The following ANAPC10 variants were observed in gnomAD, a reference collection of about 807,000 sequenced individuals.
ANAPC10 encodes the protein anaphase-promoting complex subunit 10.
In ANAPC10, 12 loss-of-function variants were observed where a neutral mutation model predicts 22.0. The ratio of observed to expected loss-of-function variants is 0.55; its 90% CI spans 0.35 to 0.88. The LOEUF (loss-of-function observed/expected upper bound fraction) is 0.88. ANAPC10 is among the 40% of genes least tolerant of loss of function. The pLI is 0.01. For synonymous variants in ANAPC10, 65 were observed against 69.5 expected, an observed-to-expected ratio of 0.94 and a Z score of 0.32; for missense variants, 188 against 220.9, an observed-to-expected ratio of 0.85 and a Z score of 0.94.
intron 3 of ANAPC10, among the ~76,000 whole-genome samples, chr4:145,078,431 T>TAA (rs199509337): frequency 6.6e-6 from 1 of 151,042 alleles, no homozygotes; most frequent in South Asian, 2.1e-4. Context: ...CAATATTGTT[T>TAA]AAAAAAAAAT....
intron 4 of ANAPC10, among the ~76,000 whole-genome samples, chr4:145,042,583 T>C (rs1045561669): frequency 2.0e-5 from 3 of 152,200 alleles, no homozygotes; most frequent in African/African-American, 4.8e-5. Flanking sequence ...CTCTACTTTT[T>C]TGATGTGCCA....
At chr4:145,080,232 C>T (rs1349322520) in intron 3 of ANAPC10, among the ~76,000 whole-genome samples, 1 of 149,976 alleles carries the variant, frequency 6.7e-6, no homozygotes, top group Non-Finnish European at 1.5e-5. Context: ...GACCCAAAAA[C>T]TACCTATTAG....
intron 3 of ANAPC10, among the ~76,000 whole-genome samples, chr4:145,068,499 C>T (rs575050200): frequency 6.6e-6 from 1 of 152,262 alleles, no homozygotes; most frequent in African/African-American, 2.4e-5. Flanking sequence ...TTCTTCTTAA[C>T]GTGCTAGATA....
At chr4:145,090,131 T>C (rs1323169405) in intron 2 of ANAPC10, among the ~76,000 whole-genome samples, 1 of 152,196 alleles carries the variant, frequency 6.6e-6, no homozygotes, top group Non-Finnish European at 1.5e-5. Flanking sequence ...CCAACGAGGA[T>C]TGGTACCAGG....
intron 4 of ANAPC10, among the ~76,000 whole-genome samples, chr4:145,024,837 G>C (rs1019482945): frequency 2.0e-5 from 3 of 152,220 alleles, no homozygotes; most frequent in African/African-American, 7.2e-5. Flanking sequence ...GCCAGGCATT[G>C]ACTTCTCCTC....
At chr4:145,028,203 T>A (rs1737035203) in intron 4 of ANAPC10, among the ~76,000 whole-genome samples, 1 of 152,128 alleles carries the variant, frequency 6.6e-6, no homozygotes, top group Non-Finnish European at 1.5e-5. Flanking sequence ...GTTAGTGGTC[T>A]GAGGAAGGCA....
At chr4:145,073,016 C>T (rs537329834) in intron 3 of ANAPC10, among the ~76,000 whole-genome samples, 33 of 152,022 alleles carry the variant, frequency 2.2e-4, no homozygotes, top group African/African-American at 8.0e-4. Context: ...TGTCAGCTTC[C>T]TGAATAGCTG....
intron 4 of ANAPC10, among the ~76,000 whole-genome samples, chr4:145,007,715 A>G (rs1299696580): frequency 1.3e-5 from 2 of 152,210 alleles, no homozygotes; most frequent in African/African-American, 4.8e-5. Context: ...AATGCCCACA[A>G]GAGAAAGCAG....
chr4:145,037,045 T>TGTGC (rs1205733850), intron 4 of ANAPC10, among the ~76,000 whole-genome samples: 1 of 149,128 alleles, frequency 6.7e-6, no homozygotes, highest in Non-Finnish European at 1.5e-5. Context: ...TGTGTATGTG[T>TGTGC]GTGCATGCAT....
intron 4 of ANAPC10, among the ~76,000 whole-genome samples, chr4:145,036,819 C>CA (rs1449541548): frequency 1.3e-5 from 2 of 152,036 alleles, no homozygotes; most frequent in Non-Finnish European, 2.9e-5. Context: ...ACTTCGAGTT[C>CA]AAAAACAAGC....
intron 4 of ANAPC10, among the ~76,000 whole-genome samples, chr4:145,010,403 G>A (rs1372535691): frequency 6.6e-6 from 1 of 152,112 alleles, no homozygotes; most frequent in Admixed American, 6.6e-5. Context: ...ATTCACAATA[G>A]CAAAGACTTG....
chr4:145,037,787 A>G (rs1738817667), intron 4 of ANAPC10, among the ~76,000 whole-genome samples: 1 of 152,022 alleles, frequency 6.6e-6, no homozygotes, highest in South Asian at 2.1e-4. Flanking sequence ...TCTCTACAAA[A>G]AACACAAAAA....
intron 4 of ANAPC10, among the ~76,000 whole-genome samples, chr4:145,009,736 T>C (rs557922965): frequency 7.2e-5 from 11 of 152,104 alleles, no homozygotes; most frequent in East Asian, 3.9e-4. Flanking sequence ...AAAACCTAGG[T>C]AATACCATTC....
chr4:145,004,160 G>C (rs960536686), intron 4 of ANAPC10, among the ~76,000 whole-genome samples: 1 of 151,980 alleles, frequency 6.6e-6, no homozygotes, highest in Non-Finnish European at 1.5e-5. Flanking sequence ...TTGGAGTATA[G>C]GTATGCTACT....
At chr4:145,045,481 G>C (rs1003903150) in intron 4 of ANAPC10, among the ~76,000 whole-genome samples, 5 of 152,018 alleles carry the variant, frequency 3.3e-5, no homozygotes, top group Admixed American at 2.0e-4. Context: ...ATCTCCCCAT[G>C]TCATCTTGTA....
chr4:144,999,387 C>G (rs1187480574), intron 4 of ANAPC10: 2 of 152,114 alleles, frequency 1.3e-5, no homozygotes, highest in Non-Finnish European at 2.9e-5. Context: ...TCCTCTACAC[C>G]AATAACAGAC....
intron 4 of ANAPC10, among the ~76,000 whole-genome samples, chr4:145,030,514 G>A (rs1293103839): frequency 2.0e-5 from 3 of 152,158 alleles, no homozygotes; most frequent in African/African-American, 7.2e-5. Context: ...AGTCATTTCG[G>A]TCCTCCAGTT....
At chr4:145,016,459 C>T (rs1050312349) in intron 4 of ANAPC10, among the ~76,000 whole-genome samples, 2 of 151,918 alleles carry the variant, frequency 1.3e-5, no homozygotes, top group African/African-American at 2.4e-5. Context: ...CACTGCTGAA[C>T]AAAATAAAAG....
intron 4 of ANAPC10, among the ~76,000 whole-genome samples, chr4:145,043,327 A>G (rs995905229): frequency 6.6e-6 from 1 of 152,200 alleles, no homozygotes; most frequent in African/African-American, 2.4e-5. Context: ...GTACTGTATT[A>G]AAACAATAAG....
Sources: gnomAD v4.1 joint callset for allele counts (sites outside exome capture counted in the v4.1 genomes callset) on GRCh38, gnomAD v4.1.1 for gene constraint, MANE v1.5 for transcripts, NCBI Gene and HGNC (gene_info 2026-07-23, HGNC 2026-07-21) for gene names.